The following MEGF11 variants were observed in gnomAD, a reference collection of about 807,000 sequenced individuals.
The protein encoded by MEGF11 is multiple epidermal growth factor-like domains protein 11.
A neutral mutation model predicts 146.6 loss-of-function variants in MEGF11; 126 were observed. The ratio of observed to expected loss-of-function variants is 0.86; its 90% CI spans 0.74 to 1.00. MEGF11 has a LOEUF of 1.00. Ranked by LOEUF, MEGF11 falls within the 50% of genes least tolerant of loss-of-function variation. The pLI is 0.00. For synonymous variants in MEGF11, 532 were observed against 583.4 expected (o/e 0.91, Z 1.27); for missense variants, 1,509 against 1,521.2 (o/e 0.99, Z 0.13).
intron 5 of MEGF11, among the ~76,000 whole-genome samples, chr15:65,984,913 C>T (rs1411990078): frequency 3.9e-5 from 6 of 151,920 alleles, no homozygotes; most frequent in East Asian, 1.9e-4. Flanking sequence ...GGATTACAGG[C>T]GCCTGCCACC....
intron 1 of MEGF11, among the ~76,000 whole-genome samples, chr15:66,187,294 C>G (rs575498863): frequency 6.6e-6 from 1 of 152,216 alleles, no homozygotes; most frequent in Non-Finnish European, 1.5e-5. Flanking sequence ...CTCCTTTGTT[C>G]CCCCATCCCT....
intron 1 of MEGF11, among the ~76,000 whole-genome samples, chr15:66,189,912 T>G (rs1178668818): frequency 6.6e-6 from 1 of 152,072 alleles, no homozygotes; most frequent in Non-Finnish European, 1.5e-5. Flanking sequence ...AGCCCAGGAG[T>G]CAAGGCTGTA....
At chr15:66,074,488 T>C (rs1401974775) in intron 5 of MEGF11, among the ~76,000 whole-genome samples, 1 of 152,254 alleles carries the variant, frequency 6.6e-6, no homozygotes, top group East Asian at 1.9e-4. Context: ...AGAGGCTCTC[T>C]GGAGCCGAGT....
chr15:66,023,156 C>A (rs200511497), intron 5 of MEGF11, among the ~76,000 whole-genome samples: 1,761 of 60,268 alleles, frequency 0.029, 26 homozygotes, highest in African/African-American at 0.052. Flanking sequence ...AAAAAAAAAA[C>A]AAACTTGTTT....
chr15:66,038,189 G>A (rs1048186112), intron 5 of MEGF11, among the ~76,000 whole-genome samples: 4 of 152,154 alleles, frequency 2.6e-5, no homozygotes, highest in African/African-American at 9.7e-5. Flanking sequence ...ATAAATTGAG[G>A]TGCATACCTG....
chr15:66,070,194 G>A (rs1220126641), intron 5 of MEGF11, among the ~76,000 whole-genome samples: 2 of 152,218 alleles, frequency 1.3e-5, no homozygotes, highest in African/African-American at 4.8e-5. Context: ...GAGGACTGGG[G>A]AAGCCCAGCT....
intron 5 of MEGF11, among the ~76,000 whole-genome samples, chr15:66,043,841 G>T (rs1265174664): frequency 6.6e-6 from 1 of 152,260 alleles, no homozygotes; most frequent in African/African-American, 2.4e-5. Flanking sequence ...ACAGAAGTAA[G>T]CGACCACATA....
intron 5 of MEGF11, among the ~76,000 whole-genome samples, chr15:66,055,673 C>T (rs953140290): frequency 2.6e-5 from 4 of 152,212 alleles, no homozygotes; most frequent in African/African-American, 9.7e-5. Flanking sequence ...TTGCCTGTGA[C>T]ACAAGCTCTG....
chr15:66,175,177 G>C (rs976195028), intron 1 of MEGF11, among the ~76,000 whole-genome samples: 2 of 152,034 alleles, frequency 1.3e-5, no homozygotes, highest in Non-Finnish European at 2.9e-5. Context: ...TTCCAATTTG[G>C]ATGCCTTTTA....
At chr15:65,968,262 A>C (rs565720799) in intron 8 of MEGF11, among the ~76,000 whole-genome samples, 1 of 152,164 alleles carries the variant, frequency 6.6e-6, no homozygotes, top group Non-Finnish European at 1.5e-5. Context: ...AATAATCACT[A>C]TCTGAGTTGC....
At chr15:66,172,573 C>A (rs1230977403) in intron 1 of MEGF11, among the ~76,000 whole-genome samples, 3 of 152,238 alleles carry the variant, frequency 2.0e-5, no homozygotes, top group African/African-American at 2.4e-5. Context: ...ATCAGGTGAT[C>A]CCCCCTCTCT....
chr15:65,915,688 T>C, intron 18 of MEGF11, 90 bp from the exon 19 acceptor site: 2 of 1,510,566 alleles, frequency 1.3e-6, no homozygotes, highest in South Asian at 2.6e-5. Context: ...TAAGCCTGTT[T>C]TGCCTCCCAC....
Position 66,094,415 on chromosome 15 carries a change from G to T in MEGF11, c.381C>A (p.Pro127=). ...CCCCAGACTCACCGCTGGAGCAGTC[G>T]GGCCCTCCCCAGCCAGGCTCGCAGT... The part of the protein sequence containing the change: ...TCHCEPGWGG[P]DCSSGCDSDH... Residue 127 remains proline, a synonymous_variant, in exon 5 of 26, where the codon CCC becomes CCA. Transcript: ENST00000395614. The T allele has an allele frequency of 6.4e-7, 1 of 1,558,864 alleles. No homozygotes were observed. Among genetic ancestry groups the T allele is most frequent in the Non-Finnish European group, 8.7e-7 (1 of 1,150,620 alleles).
chr15:65,986,792 C>CTTTTTTTTTTTTTTTTTTTTTTTT (rs1491353062), intron 5 of MEGF11, among the ~76,000 whole-genome samples: 3 of 134,022 alleles, frequency 2.2e-5, no homozygotes, highest in African/African-American at 8.1e-5. Context: ...GCTGATTTTT[C>CTTTTTTTTTTTTTTTTTTTTTTTT]CTTTTTTTTT....
intron 5 of MEGF11, among the ~76,000 whole-genome samples, chr15:66,066,224 G>T (rs2085119137): frequency 6.6e-6 from 1 of 152,138 alleles, no homozygotes; most frequent in African/African-American, 2.4e-5. Flanking sequence ...GAGGGCAGCA[G>T]CAGGGTAGGC....
rs543392880 is a variant in MEGF11 at position 65,909,241 on chromosome 15, C to T, written c.2897-106G>A. 6.7e-5 allele frequency: 54 copies of T among 810,666 alleles called. No individual in the cohort carries two copies. The South Asian group carries it at 6.8e-4, about 10-fold the overall frequency. The allele number at this position is 810,666 out of a possible 1,614,324, so 50.2% of individuals were successfully genotyped here. A position where few individuals can be genotyped will look rare whatever the true frequency, so the allele number is the denominator to read the frequency against. On this transcript the variant is annotated intron_variant, in intron 22 of 25. Transcript: ENST00000395614. ...TGGGCCAGGGTCAGGGTGAGGCAGG[C>T]TGGGAGGACTTGGGGGCCTCTGTGT...
At chr15:65,951,146 G>A (rs1013695755) in intron 10 of MEGF11, among the ~76,000 whole-genome samples, 9 of 152,208 alleles carry the variant, frequency 5.9e-5, no homozygotes, top group African/African-American at 2.2e-4. Flanking sequence ...TGGAAACAAA[G>A]GGATGGAATG....
intron 19 of MEGF11, 159 bp from the exon 20 acceptor site, chr15:65,914,132 CTG>C: frequency 1.6e-6 from 1 of 611,828 alleles, no homozygotes; most frequent in Non-Finnish European, 2.9e-6. Flanking sequence ...CCAGCCCTCA[CTG>C]TGCCTTCATC....
chr15:66,153,259 G>A (rs2089634138), intron 1 of MEGF11, among the ~76,000 whole-genome samples: 1 of 152,154 alleles, frequency 6.6e-6, no homozygotes, highest in African/African-American at 2.4e-5. Flanking sequence ...GCTCTCCATG[G>A]CTTACCCAAC....
Sources: allele counts gnomAD v4.1 joint callset (sites outside exome capture counted in the v4.1 genomes callset), GRCh38; gene constraint gnomAD v4.1.1; transcripts MANE v1.5; gene names NCBI Gene and HGNC (gene_info 2026-07-23, HGNC 2026-07-21).